Variants in NUP210 observed in about 807,000 individuals in gnomAD.
The protein encoded by NUP210 is nucleoporin 210, also known as nuclear pore membrane glycoprotein 210.
Under a neutral mutation model 196.0 loss-of-function variants are expected in NUP210, and 151 were observed. That is an observed-to-expected ratio of 0.77 (90% CI 0.67 to 0.88). The LOEUF (loss-of-function observed/expected upper bound fraction) is 0.88, where lower values mean the gene tolerates loss of function less well. Ranked by LOEUF, NUP210 falls within the 40% of genes least tolerant of loss-of-function variation. NUP210 has a pLI of 0.00. For synonymous variants in NUP210, 1,070 were observed against 1,052.7 expected, an observed-to-expected ratio of 1.02 and a Z score of -0.32; for missense variants, 2,314 against 2,493.7, an observed-to-expected ratio of 0.93 and a Z score of 1.53.
chr3:13,391,002 C>G (rs1699471144), intron 4 of NUP210, among the ~76,000 whole-genome samples: 1 of 152,240 alleles, frequency 6.6e-6, no homozygotes, highest in Admixed American at 6.5e-5. Flanking sequence ...AGGACACTCT[C>G]TGGGGGCTGC....
At chr3:13,375,730 G>A in intron 10 of NUP210, 89 bp from the exon 11 acceptor site, 2 of 1,426,850 alleles carry the variant, frequency 1.4e-6, no homozygotes, top group Non-Finnish European at 1.9e-6. Context: ...CCTCCCTGGG[G>A]ATCGGGTCAC....
intron 20 of NUP210, among the ~76,000 whole-genome samples, chr3:13,346,078 A>G (rs911482061): frequency 6.6e-6 from 1 of 152,220 alleles, no homozygotes; most frequent in Admixed American, 6.5e-5. Context: ...TTAAACAGAG[A>G]CATAAAATGG....
intron 19 of NUP210, 26 bp downstream of exon 19, chr3:13,352,054 G>A: frequency 6.2e-7 from 1 of 1,609,592 alleles, no homozygotes; most frequent in African/African-American, 1.3e-5. Flanking sequence ...GTCTTGCCCA[G>A]GAAGGTGGCA....
chr3:13,399,685 T>C, intron 2 of NUP210, 40 bp downstream of exon 2: 1 of 1,613,156 alleles, frequency 6.2e-7, no homozygotes, highest in Non-Finnish European at 8.5e-7. Context: ...TCCCTGTCTC[T>C]GGCTCCCACC....
At chr3:13,389,643 T>C (rs1374849536) in intron 4 of NUP210, among the ~76,000 whole-genome samples, 2 of 152,120 alleles carry the variant, frequency 1.3e-5, no homozygotes, top group Non-Finnish European at 2.9e-5. Context: ...CGTCAGGACA[T>C]GAGGACGTCG....
intron 14 of NUP210, among the ~76,000 whole-genome samples, chr3:13,365,286 T>C (rs1388501585): frequency 6.6e-6 from 1 of 152,136 alleles, no homozygotes; most frequent in Non-Finnish European, 1.5e-5. Flanking sequence ...GCTCAGCAAA[T>C]CCTCATCACG....
chr3:13,320,115 C>T (rs373223597), intron 36 of NUP210, 136 bp from the exon 37 acceptor site: 1 of 785,624 alleles, frequency 1.3e-6, no homozygotes, highest in Admixed American at 2.3e-5. Flanking sequence ...GCCTGACATG[C>T]TGGGCTTCCC....
intron 28 of NUP210, among the ~76,000 whole-genome samples, chr3:13,333,799 T>G (rs1305464674): frequency 3.3e-5 from 5 of 152,202 alleles, no homozygotes; most frequent in Admixed American, 2.6e-4. Flanking sequence ...TCCTTCTATT[T>G]TTTTTTAAAC....
At position 13,332,285 on chromosome 3, in the gene NUP210, T is replaced by C. The variant is rs1162551398; in HGVS notation, c.3935+8A>G. On this transcript the variant is annotated splice_region_variant and intron_variant, in intron 29 of 39. Transcript: ENST00000254508. ...AACTTTGCTGGAAACAAGAGCTGAGTCACGTACCTGTTTGTCTGCAGCTTT... is the reference window on the plus strand; with the variant it reads ...AACTTTGCTGGAAACAAGAGCTGAGCCACGTACCTGTTTGTCTGCAGCTTT... 15 of 1,609,430 alleles carry C rather than the reference T, an allele frequency of 9.3e-6. No homozygotes were observed. In the Admixed American group the frequency reaches 2.3e-4, roughly 25 times the overall value.
Position 13,330,701 on chromosome 3 carries a change from C to T in NUP210, c.3936-67G>A, listed in dbSNP as rs574806009. ...GTGGGAGTGGGCCTGGATACAATGCCAGGAGATCTAAGAGTCTGTGGCTCC... is the reference window on the plus strand; with the variant it reads ...GTGGGAGTGGGCCTGGATACAATGCTAGGAGATCTAAGAGTCTGTGGCTCC... On this transcript the variant is annotated intron_variant, in intron 29 of 39. Coordinates refer to ENST00000254508, the MANE Select transcript of NUP210 (RefSeq NM_024923.4). 1.2e-4 allele frequency: 179 copies of T among 1,465,260 alleles called. No individual in the cohort carries two copies. In the South Asian group the frequency reaches 2.0e-3, roughly 16 times the overall value. The allele number at this position is 1,465,260 out of a possible 1,614,324, so 90.8% of individuals were successfully genotyped here. A position where few individuals can be genotyped will look rare whatever the true frequency, so the allele number is the denominator to read the frequency against.
chr3:13,372,333 G>A (rs932528827), intron 12 of NUP210, among the ~76,000 whole-genome samples: 6 of 152,236 alleles, frequency 3.9e-5, no homozygotes, highest in African/African-American at 7.2e-5. Flanking sequence ...CAGCACCTTG[G>A]AGGAACATGG....
intron 2 of NUP210, among the ~76,000 whole-genome samples, chr3:13,399,144 T>C (rs1335760218): frequency 6.6e-6 from 1 of 150,772 alleles, no homozygotes; most frequent in Admixed American, 6.6e-5. Flanking sequence ...CGCATGCCTG[T>C]AGTCTCAACT....
At chr3:13,393,148 G>A (rs887049160) in intron 3 of NUP210, among the ~76,000 whole-genome samples, 1 of 152,176 alleles carries the variant, frequency 6.6e-6, no homozygotes, top group African/African-American at 2.4e-5. Context: ...TCTGTAAAAT[G>A]GGGATGAAAA....
rs752419273 is a variant in NUP210, at chr3:13,376,296, C to T, written c.1288G>A (p.Asp430Asn). 13 of 1,613,538 alleles carry T rather than the reference C, an allele frequency of 8.1e-6. No homozygotes were observed. The highest frequency in any genetic ancestry group is 1.1e-5 in the South Asian group (1 of 91,048). ...CAGGGGAGACACCAACTTGCCTGGT[C>T]CACCACAGAGGTGAGGGCCGCGTCA... is the stretch of plus-strand genomic sequence containing the variant. ...AIDAALTSVV[D>N]QDGGVHILQV... Residue 430 changes from aspartate (D) to asparagine (N), a missense_variant, in exon 10 of 40, where the codon GAC becomes AAC. Transcript: ENST00000254508.
rs1389083362 is a variant in NUP210, at chr3:13,397,247, C to T, written c.436+110G>A. On this transcript the variant is annotated intron_variant, in intron 3 of 39. Transcript: ENST00000254508. The stretch of plus-strand genomic sequence containing the variant: ...CCTGACCAGAGCTGCCCTCTAGGGA[C>T]CTGCAGGGTTGGATGCCAGAGGAGT... The T allele has an allele frequency of 3.7e-6, 5 of 1,334,642 alleles. No homozygotes were observed. In the African/African-American group the frequency reaches 4.5e-5, roughly 12 times the overall value. The allele number at this position is 1,334,642 out of a possible 1,614,324, so 82.7% of individuals were successfully genotyped here.
In NUP210 at chr3:13,353,555, G is replaced by T; in HGVS notation, c.2627C>A (p.Pro876Gln). ...SHLSSARTKQ[P>Q]HDPLVPLSAS... is the part of the protein sequence containing the mutation. ...CCACCACTGGGCCCTGGGAGATACC[G>T]GCTGCTTTGTTCTGGCAGAGCTGAG... is the stretch of plus-strand genomic sequence containing the variant. The change falls in exon 18 of 40, where the codon CCG (proline) becomes CAG (glutamine). Residue 876 changes from proline to glutamine, a missense_variant and splice_region_variant. Physicochemically the swap from Pro to Gln is moderately conservative, Grantham distance 76. Transcript: ENST00000254508. 6.2e-7 allele frequency: 1 copy of T among 1,613,252 alleles called. No homozygotes were observed. The highest frequency in any genetic ancestry group is 1.7e-4 in the Middle Eastern group (1 of 6,040).
chr3:13,327,723 C>T (rs760415737), intron 31 of NUP210, among the ~76,000 whole-genome samples: 3 of 152,170 alleles, frequency 2.0e-5, no homozygotes, highest in Non-Finnish European at 4.4e-5. Context: ...GAAGCTGAGG[C>T]CCCGAGGGGA....
In NUP210 at chr3:13,371,198, A is replaced by C. The variant is rs140529481; in HGVS notation, c.1786+636T>G. 7.2e-4 allele frequency among the ~76,000 whole-genome samples: 109 copies of C among 152,234 alleles called. 1 individual carries two copies. The East Asian group carries it at 0.019, about 27-fold the overall frequency. ...TGAGTAAAGCCACAGGGTCAGTGTC[A>C]GCCACGCCCAGATCTGCACCCCATC... is the stretch of plus-strand genomic sequence containing the variant. On this transcript the variant is annotated intron_variant, in intron 13 of 39. Transcript: ENST00000254508.
intron 1 of NUP210, among the ~76,000 whole-genome samples, chr3:13,408,204 C>T (rs1027289821): frequency 6.6e-6 from 1 of 152,156 alleles, no homozygotes; most frequent in Non-Finnish European, 1.5e-5. Flanking sequence ...ACCAACCTTG[C>T]ATTCCTGGGA....
Sources: allele counts gnomAD v4.1 joint callset (sites outside exome capture counted in the v4.1 genomes callset), GRCh38; gene constraint gnomAD v4.1.1; transcripts MANE v1.5; gene names NCBI Gene and HGNC (gene_info 2026-07-23, HGNC 2026-07-21).